The following ATP2B2 variants were observed in gnomAD, a reference collection of about 807,000 sequenced individuals.
ATP2B2 encodes the protein plasma membrane calcium-transporting ATPase 2.
A neutral mutation model predicts 120.0 loss-of-function variants in ATP2B2; 15 were observed. The observed-to-expected ratio is 0.12, with a 90% CI of 0.08 to 0.19. ATP2B2 has a LOEUF of 0.19. ATP2B2 is among the 10% of genes least tolerant of loss of function. ATP2B2 has a pLI of 1.00. For synonymous variants in ATP2B2, 694 were observed against 700.3 expected (o/e 0.99, Z 0.14); for missense variants, 1,045 against 1,719.8 (o/e 0.61, Z 6.94).
Position 10,387,592 on chromosome 3 carries a change from G to A in ATP2B2, c.907+685C>T, listed in dbSNP as rs182828510. Reference sequence around the variant, plus strand: ...CCAGAAGCCTGGGCCTTTGGATTTGGGCCTGGCCTGAAGAGACTTGAGCTT... The same window carrying A: ...CCAGAAGCCTGGGCCTTTGGATTTGAGCCTGGCCTGAAGAGACTTGAGCTT... On this transcript the variant is annotated intron_variant, in intron 6 of 22. Transcript: ENST00000360273. 7.5e-3 allele frequency among the ~76,000 whole-genome samples: 1,148 copies of A among 152,324 alleles called. 42 individuals carry two copies. The highest frequency in any genetic ancestry group is 3.6e-3 in the Non-Finnish European group (247 of 68,030).
At chr3:10,488,486 C>CCTTCCTTCCTTT (rs2065807132) in intron 1 of ATP2B2, among the ~76,000 whole-genome samples, 1 of 102,420 alleles carries the variant, frequency 9.8e-6, no homozygotes, top group Admixed American at 1.0e-4. Flanking sequence ...TTCCTTCCTT[C>CCTTCCTTCCTTT]CTTCCTTCCT....
Position 10,410,827 on chromosome 3 carries a change from G to A in ATP2B2, c.200-12C>T. 2 of 1,612,884 alleles carry A rather than the reference G, an allele frequency of 1.2e-6. No homozygotes were observed. Among genetic ancestry groups the A allele is most frequent in the African/African-American group, 1.3e-5 (1 of 75,042 alleles). ...GGTGCCCGGCAAACCTGTGGACAGA[G>A]AACAGAGAGGTTGGCTGGGGGCCTG... On this transcript the variant is annotated splice_polypyrimidine_tract_variant and intron_variant, in intron 2 of 22. Coordinates refer to ENST00000360273, the MANE Select transcript of ATP2B2 (RefSeq NM_001001331.4).
chr3:10,347,753 C>T lies in ATP2B2; in HGVS notation c.2405-1616G>A, dbSNP rs3846110. Among the ~76,000 whole-genome samples, 2,021 of 152,320 alleles carry T rather than the reference C, an allele frequency of 0.013. 53 individuals are homozygous for T. Among genetic ancestry groups the T allele is most frequent in the African/African-American group, 0.046 (1,899 of 41,570 alleles). On this transcript the variant is annotated intron_variant, in intron 16 of 22. Transcript: ENST00000360273. The surrounding 1 kb of genome is among the most constrained non-coding windows in gnomAD (Gnocchi z 5.2). ...GGCTCCCAGGTGGTGCGGACCGTTG[C>T]GTAGCTCAAGCTGTGCGGAAAGCTG... is the stretch of plus-strand genomic sequence containing the variant.
Position 10,388,352 on chromosome 3 carries a change from C to G in ATP2B2, c.832G>C (p.Val278Leu). 1 of 1,614,228 alleles carries G rather than the reference C, an allele frequency of 6.2e-7. No homozygotes were observed. The highest frequency in any genetic ancestry group is 1.1e-5 in the South Asian group (1 of 91,088). Residue 278 changes from valine to leucine, a missense_variant, in exon 6 of 23, where the codon GTG becomes CTG. By Grantham distance (32) the Val-to-Leu change is conservative. Transcript: ENST00000360273. ...AAGATGATGCCAGTCTGAGAGTTCA[C>G]ACCCACAGCAGTCACCAACATCCGT... ...SGRMLVTAVG[V>L]NSQTGIIFTL...
chr3:10,565,134 C>T (rs888783052), intron 2 of ATP2B2, among the ~76,000 whole-genome samples: 9 of 152,120 alleles, frequency 5.9e-5, no homozygotes, highest in Non-Finnish European at 1.3e-4. Context: ...TAAGGGGTGG[C>T]AGAGCAACAG....
At chr3:10,616,567 A>G (rs1317977203) in intron 2 of ATP2B2, among the ~76,000 whole-genome samples, 1 of 152,222 alleles carries the variant, frequency 6.6e-6, no homozygotes, top group African/African-American at 2.4e-5. Flanking sequence ...CAGAAGGAAG[A>G]CTATGTGACA....
rs1213557098 is a variant in ATP2B2 at position 10,527,798 on chromosome 3, C to T, written c.-320+6241G>A. Among the ~76,000 whole-genome samples, 8 of 152,338 alleles carry T rather than the reference C, an allele frequency of 5.3e-5. No homozygotes were observed. In the South Asian group the frequency reaches 6.2e-4, roughly 12 times the overall value. ...GGTGTCCCCGCTGGGTTTCAGGCCA[C>T]GGACACAAGTACCCTCTCTGACTGC... On this transcript the variant is annotated intron_variant, in intron 3 of 21. Transcript: ENST00000646379.
intron 1 of ATP2B2, among the ~76,000 whole-genome samples, chr3:10,639,231 G>T (rs929975633): frequency 2.0e-5 from 3 of 152,190 alleles, no homozygotes; most frequent in Admixed American, 2.0e-4. Context: ...AAGCCCAGCA[G>T]AATTCACTCC....
At chr3:10,545,114 T>G (rs2067516589) in intron 2 of ATP2B2, among the ~76,000 whole-genome samples, 1 of 152,176 alleles carries the variant, frequency 6.6e-6, no homozygotes, top group Non-Finnish European at 1.5e-5. Flanking sequence ...TGTTTCCCAG[T>G]AGAAGAAAGT....
chr3:10,479,762 A>AAG (rs1335205762), intron 1 of ATP2B2, among the ~76,000 whole-genome samples: 1 of 152,132 alleles, frequency 6.6e-6, no homozygotes, highest in Non-Finnish European at 1.5e-5. Flanking sequence ...GGAGGAAAGG[A>AAG]AGAGAGAGAG....
At chr3:10,546,884 T>C (rs1034147796) in intron 2 of ATP2B2, among the ~76,000 whole-genome samples, 4 of 152,132 alleles carry the variant, frequency 2.6e-5, no homozygotes, top group Admixed American at 6.5e-5. Context: ...ATTAATGCTG[T>C]CCCATCCTCC....
intron 1 of ATP2B2, among the ~76,000 whole-genome samples, chr3:10,459,152 G>A (rs866191194): frequency 1.3e-5 from 2 of 152,234 alleles, no homozygotes; most frequent in Non-Finnish European, 2.9e-5. Context: ...TGACCTGACC[G>A]GAATTCACCT....
intron 2 of ATP2B2, among the ~76,000 whole-genome samples, chr3:10,545,496 T>A (rs1208308561): frequency 1.3e-5 from 2 of 149,676 alleles, no homozygotes; most frequent in African/African-American, 5.0e-5. Flanking sequence ...GCCTTTGCAC[T>A]CCAGCCTTGC....
In ATP2B2 at chr3:10,338,333, C is replaced by G. The variant is rs1559527736; in HGVS notation, c.3263G>C (p.Arg1088Thr). The G allele has an allele frequency of 7.4e-6, 12 of 1,614,166 alleles. No individual in the cohort carries two copies. Among genetic ancestry groups the G allele is most frequent in the Non-Finnish European group, 1.0e-5 (12 of 1,180,040 alleles). ...GQVIATIPTS[R>T]LKFLKEAGRL... ...GCCTGCCTCCTTGAGGAACTTGAGT[C>G]TGCTGGTCGGGATGGTGGCGATGAC... The change falls in exon 22 of 23, where the codon AGA becomes ACA. Residue 1088 changes from arginine (R) to threonine (T), a missense_variant. Transcript: ENST00000360273.
At chr3:10,677,840 T>C (rs991347250) in intron 1 of ATP2B2, among the ~76,000 whole-genome samples, 2 of 152,222 alleles carry the variant, frequency 1.3e-5, no homozygotes, top group African/African-American at 4.8e-5. Context: ...CATGACTAAG[T>C]TGTATGGCAT....
At chr3:10,501,401 C>T (rs1391654121) in intron 1 of ATP2B2, among the ~76,000 whole-genome samples, 18 of 144,856 alleles carry the variant, frequency 1.2e-4, no homozygotes, top group African/African-American at 3.3e-4. Context: ...GACAGGGTCT[C>T]GCTCTGTCAT....
Position 10,402,188 on chromosome 3 carries a change from G to A in ATP2B2, c.558C>T (p.Ile186=), listed in dbSNP as rs139130148. Residue 186 remains isoleucine, a synonymous_variant, in exon 4 of 23, where the codon ATC becomes ATT. Coordinates refer to ENST00000360273, the MANE Select transcript of ATP2B2 (RefSeq NM_001001331.4). This position sits in a 1 kb window ranked among gnomAD's most constrained non-coding sequence, Gnocchi z 4.9. ...CCACGGTAAATTTCTGTTCCTGCTC[G>A]ATGCGGCTCTGCAGGCCCCGGAACT... ...EKQFRGLQSR[I]EQEQKFTVVR... 109 of 1,614,078 alleles carry A rather than the reference G, an allele frequency of 6.8e-5. No homozygotes were observed. The highest frequency in any genetic ancestry group is 8.3e-5 in the Admixed American group (5 of 60,010).
At chr3:10,509,472 G>C (rs1485296217), upstream of ATP2B2, among the ~76,000 whole-genome samples, 1 of 152,124 alleles carries the variant, frequency 6.6e-6, no homozygotes, top group Non-Finnish European at 1.5e-5. Context: ...CACCCTCAAA[G>C]AGCCCAGGCT....
intron 1 of ATP2B2, among the ~76,000 whole-genome samples, chr3:10,686,043 C>CTTTTTTTTT (rs34073958): frequency 4.3e-5 from 4 of 93,224 alleles, no homozygotes; most frequent in African/African-American, 1.2e-4. Context: ...TTCCTCCTTT[C>CTTTTTTTTT]TTTTTTTTTT....
Sources: gnomAD v4.1 joint callset for allele counts (sites outside exome capture counted in the v4.1 genomes callset) on GRCh38, gnomAD v4.1.1 for gene constraint, Gnocchi (gnomAD v3.1) non-coding constraint, MANE v1.5 for transcripts, NCBI Gene and HGNC (gene_info 2026-07-23, HGNC 2026-07-21) for gene names.